The following TENM3 variants were observed in gnomAD, a reference collection of about 807,000 sequenced individuals.
TENM3 encodes the protein teneurin transmembrane protein 3.
A neutral mutation model predicts 255.1 loss-of-function variants in TENM3; 63 were observed. The observed-to-expected ratio is 0.25, with a 90% CI of 0.20 to 0.30. TENM3 has a LOEUF of 0.30. TENM3 is among the 10% of genes least tolerant of loss of function. The probability of loss-of-function intolerance (pLI) is 1.00; values close to 1 mark genes in which losing one functional copy is unlikely to be tolerated. For missense variants in TENM3, 2,929 were observed against 3,461.1 expected, an observed-to-expected ratio of 0.85 and a Z score of 3.86; for synonymous variants, 1,306 against 1,322.3, an observed-to-expected ratio of 0.99 and a Z score of 0.27.
At chr4:181,985,754 T>C in the TENM3 span, among the ~76,000 whole-genome samples, 1 of 152,134 alleles carries the variant, frequency 6.6e-6, no homozygotes, top group East Asian at 1.9e-4. Context: ...ACAATCCCTG[T>C]ATAATGTGAA....
At chr4:182,522,528 G>T (rs930743411) in intron 3 of TENM3, among the ~76,000 whole-genome samples, 3 of 151,992 alleles carry the variant, frequency 2.0e-5, no homozygotes, top group Admixed American at 6.6e-5. Flanking sequence ...CATTCTTATG[G>T]CTGAGTAATA....
At chr4:181,449,735 C>G in the TENM3 span, among the ~76,000 whole-genome samples, 1 of 152,096 alleles carries the variant, frequency 6.6e-6, no homozygotes, top group Admixed American at 6.6e-5. Context: ...TGCAATGAGC[C>G]GAGATCGTGC....
At chr4:182,521,231 C>T (rs1467609182) in intron 3 of TENM3, among the ~76,000 whole-genome samples, 1 of 152,170 alleles carries the variant, frequency 6.6e-6, no homozygotes, top group Non-Finnish European at 1.5e-5. Flanking sequence ...CAGGGAAACA[C>T]GTCACCATTC....
At chr4:182,211,054 C>G (rs1162584954) in intron 1 of TENM3, among the ~76,000 whole-genome samples, 2 of 152,280 alleles carry the variant, frequency 1.3e-5, no homozygotes, top group South Asian at 4.2e-4. Context: ...TGTCCCTCAT[C>G]ATCTCTCCTG....
chr4:182,666,644 C>T (rs1754705017), intron 6 of TENM3, among the ~76,000 whole-genome samples: 1 of 152,184 alleles, frequency 6.6e-6, no homozygotes, highest in Admixed American at 6.5e-5. Context: ...TGCCTGCAAT[C>T]CCAGCACTTT....
chr4:181,564,040 C>CTTTTTTTTTTTT, the TENM3 span, among the ~76,000 whole-genome samples: 1 of 79,788 alleles, frequency 1.3e-5, no homozygotes. Context: ...TTTCTTTTTT[C>CTTTTTTTTTTTT]TTTTTTTTTT....
chr4:181,663,366 T>TTCTCCA, the TENM3 span, among the ~76,000 whole-genome samples: 1 of 152,166 alleles, frequency 6.6e-6, no homozygotes, highest in Non-Finnish European at 1.5e-5. Flanking sequence ...CAACTTGAAT[T>TTCTCCA]TCTCCAAAGG....
intron 1 of TENM3, among the ~76,000 whole-genome samples, chr4:182,284,996 C>CAT (rs757412549): frequency 2.0e-4 from 30 of 151,914 alleles, no homozygotes; most frequent in East Asian, 1.9e-3. Context: ...TAATATTTAG[C>CAT]ATATATATAT....
the TENM3 span, among the ~76,000 whole-genome samples, chr4:181,660,821 A>G: frequency 6.6e-6 from 1 of 152,214 alleles, no homozygotes; most frequent in East Asian, 1.9e-4. Context: ...ATTTATAGCA[A>G]CCAATACAAA....
At chr4:181,668,018 T>C in the TENM3 span, among the ~76,000 whole-genome samples, 1 of 152,214 alleles carries the variant, frequency 6.6e-6, no homozygotes, top group Non-Finnish European at 1.5e-5. Flanking sequence ...TGTGTGTGTA[T>C]GCGCTAGAAC....
chr4:182,127,081 A>G, the TENM3 span, among the ~76,000 whole-genome samples: 1 of 152,266 alleles, frequency 6.6e-6, no homozygotes, highest in Admixed American at 6.5e-5. Flanking sequence ...TACTGCAATT[A>G]TGATAAAGTT....
the TENM3 span, among the ~76,000 whole-genome samples, chr4:181,934,076 G>GTGCA: frequency 4.0e-5 from 4 of 98,872 alleles, no homozygotes; most frequent in South Asian, 1.3e-3. Flanking sequence ...GTGTGTGTGT[G>GTGCA]CGCGCGCTTT....
intron 13 of TENM3, among the ~76,000 whole-genome samples, chr4:182,725,810 G>A (rs1401320716): frequency 6.6e-6 from 1 of 151,374 alleles, no homozygotes; most frequent in Non-Finnish European, 1.5e-5. Context: ...TAATTTTTTT[G>A]TATTTTTAGT....
intron 1 of TENM3, among the ~76,000 whole-genome samples, chr4:182,228,358 A>ATGTATGTGTGTGTGTG: frequency 9.2e-6 from 1 of 109,114 alleles, no homozygotes; most frequent in East Asian, 2.1e-4. Flanking sequence ...ATGTAATGTA[A>ATGTATGTGTGTGTGTG]TGTGTGTGTG....
chr4:182,032,239 T>TTA, the TENM3 span, among the ~76,000 whole-genome samples: 1 of 152,186 alleles, frequency 6.6e-6, no homozygotes, highest in Non-Finnish European at 1.5e-5. Flanking sequence ...AATACCTAGT[T>TTA]TATTGAGTTT....
At chr4:182,100,448 A>ATATATAT in the TENM3 span, among the ~76,000 whole-genome samples, 318 of 114,706 alleles carry the variant, frequency 2.8e-3, 6 homozygotes, top group Non-Finnish European at 4.3e-3. Flanking sequence ...TAAAAAAAAA[A>ATATATAT]ATATATATAT....
the TENM3 span, among the ~76,000 whole-genome samples, chr4:181,860,041 G>C: frequency 5.3e-5 from 8 of 152,120 alleles, no homozygotes; most frequent in African/African-American, 1.9e-4. Flanking sequence ...AAAGCCAGTT[G>C]CCATCTGATT....
the TENM3 span, among the ~76,000 whole-genome samples, chr4:182,026,103 A>C: frequency 0.03 from 4,560 of 152,210 alleles, 219 homozygotes; most frequent in African/African-American, 0.1. Context: ...GTGACAGTTT[A>C]CTGAGAATGT....
chr4:182,379,347 A>G (rs1767408259), intron 3 of TENM3, among the ~76,000 whole-genome samples: 1 of 151,940 alleles, frequency 6.6e-6, no homozygotes, highest in African/African-American at 2.4e-5. Context: ...ATAGAGCGAG[A>G]CTCCGTCTAA....
Sources: allele counts gnomAD v4.1 joint callset (sites outside exome capture counted in the v4.1 genomes callset), GRCh38; gene constraint gnomAD v4.1.1; transcripts MANE v1.5; gene names NCBI Gene and HGNC (gene_info 2026-07-23, HGNC 2026-07-21).